The following SAMD4A variants were observed in gnomAD, a reference collection of about 807,000 sequenced individuals.
SAMD4A encodes protein Smaug homolog 1.
SAMD4A carries 33 observed loss-of-function variants against 81.3 expected under a neutral mutation model. The ratio of observed to expected loss-of-function variants is 0.41; its 90% CI spans 0.31 to 0.54. The LOEUF is 0.54. Ranked by LOEUF, SAMD4A falls within the 20% of genes least tolerant of loss-of-function variation. The pLI is 0.37. For missense variants in SAMD4A, 854 were observed against 951.1 expected (o/e 0.90, Z 1.34); for synonymous variants, 389 against 382.1 (o/e 1.02, Z -0.21).
At chr14:54,626,067 C>CGCGCGCGCGCGCGCGCGAGT (rs2034753651) in intron 2 of SAMD4A, among the ~76,000 whole-genome samples, 1 of 108,692 alleles carries the variant, frequency 9.2e-6, no homozygotes, top group Admixed American at 9.0e-5. Flanking sequence ...TGTGCGCGCG[C>CGCGCGCGCGCGCGCGCGAGT]GCGCGCGCGA....
At position 54,787,473 on chromosome 14, in the gene SAMD4A, G is replaced by A. The variant is rs1313104096; in HGVS notation, c.2129-1443G>A. Among the ~76,000 whole-genome samples, 7 of 152,028 alleles carry A rather than the reference G, an allele frequency of 4.6e-5. 1 individual carries two copies. The highest frequency in any genetic ancestry group is 3.3e-4 in the Admixed American group (5 of 15,274). On this transcript the variant is annotated intron_variant, in intron 12 of 12. Transcript: ENST00000554335. Reference sequence around the variant, plus strand: ...CAACCCCCTGTGGTGGCCTCAGCACGCCTGTCACTTGGGTCCTCCAGCTTT... The same window carrying A: ...CAACCCCCTGTGGTGGCCTCAGCACACCTGTCACTTGGGTCCTCCAGCTTT...
chr14:54,658,526 C>T (rs1379315933), intron 2 of SAMD4A, among the ~76,000 whole-genome samples: 1 of 152,156 alleles, frequency 6.6e-6, no homozygotes. Context: ...AGGCCCCCAT[C>T]CTAAGCATGG....
At chr14:54,757,167 T>C (rs773428493) in intron 6 of SAMD4A, among the ~76,000 whole-genome samples, 1 of 152,160 alleles carries the variant, frequency 6.6e-6, no homozygotes, top group Non-Finnish European at 1.5e-5. Flanking sequence ...GTTCAGGAAT[T>C]CATTTTTAAG....
At chr14:54,758,201 A>G (rs923260213) in intron 6 of SAMD4A, among the ~76,000 whole-genome samples, 4 of 152,200 alleles carry the variant, frequency 2.6e-5, no homozygotes, top group Non-Finnish European at 5.9e-5. Flanking sequence ...CACTTCCTTC[A>G]TAAACCCTTC....
intron 2 of SAMD4A, among the ~76,000 whole-genome samples, chr14:54,571,841 C>T (rs1174498409): frequency 6.6e-6 from 1 of 152,090 alleles, no homozygotes; most frequent in African/African-American, 2.4e-5. Flanking sequence ...GGGGCTGTCA[C>T]CCTCACCCCA....
At chr14:54,785,140 C>A (rs532352668) in intron 12 of SAMD4A, among the ~76,000 whole-genome samples, 1 of 152,388 alleles carries the variant, frequency 6.6e-6, no homozygotes, top group South Asian at 2.1e-4. Flanking sequence ...AAACAACTTT[C>A]TTGACACCTG....
chr14:54,764,626 C>T (rs2139881206), intron 8 of SAMD4A, 86 bp downstream of exon 8: 1 of 871,836 alleles, frequency 1.1e-6, no homozygotes. Context: ...ATCATTTTAG[C>T]CTCCAACAAC....
chr14:54,644,123 C>CTT (rs991822007), intron 2 of SAMD4A, among the ~76,000 whole-genome samples: 3 of 152,110 alleles, frequency 2.0e-5, no homozygotes, highest in African/African-American at 7.2e-5. Context: ...CAAAGTCTAC[C>CTT]TTTTGTTTAG....
chr14:54,748,762 C>T, intron 4 of SAMD4A, 53 bp from the exon 5 acceptor site: 2 of 1,250,866 alleles, frequency 1.6e-6, no homozygotes, highest in South Asian at 2.6e-5. Context: ...CTCGTCATCT[C>T]TTCTCATTCC....
At chr14:54,657,485 G>A (rs1346027191) in intron 2 of SAMD4A, among the ~76,000 whole-genome samples, 2 of 151,864 alleles carry the variant, frequency 1.3e-5, no homozygotes, top group Admixed American at 1.3e-4. Flanking sequence ...GAAGTCAGAG[G>A]GTTCTCCCAC....
intron 7 of SAMD4A, among the ~76,000 whole-genome samples, chr14:54,763,999 C>T (rs2139878163): frequency 6.6e-6 from 1 of 152,306 alleles, no homozygotes; most frequent in Admixed American, 6.5e-5. Context: ...CCAGGAGGTG[C>T]CAGCTCGTTC....
At chr14:54,623,544 C>T (rs1566552760) in intron 2 of SAMD4A, among the ~76,000 whole-genome samples, 2 of 133,518 alleles carry the variant, frequency 1.5e-5, no homozygotes, top group Non-Finnish European at 3.2e-5. Context: ...AAAGATTATT[C>T]CAAAGTATTA....
intron 9 of SAMD4A, among the ~76,000 whole-genome samples, chr14:54,771,405 C>T (rs2038702415): frequency 1.3e-5 from 2 of 152,176 alleles, no homozygotes; most frequent in Admixed American, 1.3e-4. Flanking sequence ...CAGGCTGGCA[C>T]CAGCTCCAGC....
chr14:54,608,705 C>A (rs1356694444), intron 2 of SAMD4A, among the ~76,000 whole-genome samples: 5 of 152,196 alleles, frequency 3.3e-5, no homozygotes, highest in Admixed American at 1.3e-4. Flanking sequence ...AAGGGAGTTA[C>A]ATTCAGAGCA....
intron 2 of SAMD4A, among the ~76,000 whole-genome samples, chr14:54,700,581 C>T (rs1469512070): frequency 1.3e-5 from 2 of 152,208 alleles, no homozygotes; most frequent in Non-Finnish European, 2.9e-5. Context: ...TTCCAACCTT[C>T]TAGATATGGC....
At chr14:54,714,489 C>T (rs779846191) in intron 3 of SAMD4A, among the ~76,000 whole-genome samples, 2 of 152,096 alleles carry the variant, frequency 1.3e-5, no homozygotes, top group Non-Finnish European at 2.9e-5. Context: ...TTGGGAACAA[C>T]CTGTTTGACC....
intron 2 of SAMD4A, among the ~76,000 whole-genome samples, chr14:54,581,108 AT>A (rs1217779120): frequency 1.3e-5 from 2 of 152,226 alleles, no homozygotes; most frequent in Admixed American, 6.5e-5. Flanking sequence ...TGTAAAAATT[AT>A]TTAAGCTCTC....
intron 3 of SAMD4A, among the ~76,000 whole-genome samples, chr14:54,707,288 G>C (rs2036884235): frequency 1.3e-5 from 2 of 151,832 alleles, no homozygotes; most frequent in South Asian, 4.2e-4. Flanking sequence ...ATTTTTTGTG[G>C]AGACAGGGTC....
chr14:54,724,158 C>T (rs1164829786), intron 3 of SAMD4A, among the ~76,000 whole-genome samples: 1 of 152,174 alleles, frequency 6.6e-6, no homozygotes, highest in African/African-American at 2.4e-5. Flanking sequence ...CATACTGAGG[C>T]CCTGAAAAGC....
Sources: allele counts gnomAD v4.1 joint callset (sites outside exome capture counted in the v4.1 genomes callset), GRCh38; gene constraint gnomAD v4.1.1; transcripts MANE v1.5; gene names NCBI Gene and HGNC (gene_info 2026-07-23, HGNC 2026-07-21).